The following TTC28 variants were observed in gnomAD, a reference collection of about 807,000 sequenced individuals.
The protein encoded by TTC28 is tetratricopeptide repeat domain 28.
TTC28 carries 61 observed loss-of-function variants against 198.0 expected under a neutral mutation model. The observed-to-expected ratio is 0.31, with a 90% CI of 0.25 to 0.38. The LOEUF (loss-of-function observed/expected upper bound fraction) is 0.38, where lower values mean the gene tolerates loss of function less well. Ranked by LOEUF, TTC28 falls within the 10% of genes least tolerant of loss-of-function variation. TTC28 has a pLI of 1.00. For synonymous variants in TTC28, 1,171 were observed against 1,297.8 expected (o/e 0.90, Z 2.10); for missense variants, 2,678 against 3,164.0 (o/e 0.85, Z 3.69).
chr22:28,388,944 T>G (rs2046665318), intron 2 of TTC28, among the ~76,000 whole-genome samples: 4 of 152,134 alleles, frequency 2.6e-5, no homozygotes, highest in Admixed American at 2.6e-4. Context: ...ATGCTTCCAG[T>G]TTTTGCCCAT....
At chr22:28,138,678 A>G (rs947552600) in intron 6 of TTC28, among the ~76,000 whole-genome samples, 7 of 152,158 alleles carry the variant, frequency 4.6e-5, no homozygotes, top group Admixed American at 1.3e-4. Flanking sequence ...AAGGCCAAAC[A>G]ACTTGTCCAT....
intron 1 of TTC28, among the ~76,000 whole-genome samples, chr22:28,675,602 A>C (rs923880264): frequency 2.0e-5 from 3 of 151,804 alleles, no homozygotes; most frequent in Non-Finnish European, 4.4e-5. Context: ...AAATACAAAA[A>C]TTAACCGTGC....
intron 6 of TTC28, among the ~76,000 whole-genome samples, chr22:28,143,749 CAGA>C (rs1555923103): frequency 6.6e-6 from 1 of 152,132 alleles, no homozygotes; most frequent in Non-Finnish European, 1.5e-5. Context: ...CAAGATCACA[CAGA>C]AGGTCTAAAA....
chr22:28,107,505 T>G lies in TTC28; in HGVS notation c.2340A>C (p.Glu780Asp). 1 of 1,551,748 alleles carries G rather than the reference T, an allele frequency of 6.4e-7. No individual in the cohort carries two copies. The highest frequency in any genetic ancestry group is 8.7e-7 in the Non-Finnish European group (1 of 1,147,010). Residue 780 changes from glutamate to aspartate, a missense_variant, in exon 7 of 23, where the codon GAA (glutamate) becomes GAC (aspartate). Physicochemically the swap from Glu to Asp is conservative, Grantham distance 45. Around this residue, in one of 8 missense-constraint regions of TTC28, gnomAD observed 775 missense variants for 845.9 expected, o/e 0.92. Coordinates refer to ENST00000397906, the MANE Select transcript of TTC28 (RefSeq NM_001145418.2). ...CACTCAGCTCCTGATATACCTCCAGTTCCTGTGTGTGATAACCCAGGGCCT... is the reference window on the plus strand; with the variant it reads ...CACTCAGCTCCTGATATACCTCCAGGTCCTGTGTGTGATAACCCAGGGCCT... ...YDKALGYHTQELEVYQELSDL... is the reference protein window; with the variant it reads ...YDKALGYHTQDLEVYQELSDL...
chr22:28,595,490 TTTATA>T (rs1313124696), intron 2 of TTC28, among the ~76,000 whole-genome samples: 1 of 152,140 alleles, frequency 6.6e-6, no homozygotes, highest in Non-Finnish European at 1.5e-5. Flanking sequence ...ACCTAACACT[TTTATA>T]TTATAGTTAT....
chr22:28,658,037 T>C (rs762120151), intron 1 of TTC28, among the ~76,000 whole-genome samples: 11 of 152,212 alleles, frequency 7.2e-5, no homozygotes, highest in African/African-American at 9.6e-5. Flanking sequence ...TCTTACAATA[T>C]TGTTAAACAT....
chr22:28,183,108 G>T (rs1198397686), intron 5 of TTC28, among the ~76,000 whole-genome samples: 1 of 151,504 alleles, frequency 6.6e-6, no homozygotes, highest in African/African-American at 2.4e-5. Context: ...ACCCAGGCTG[G>T]AGTACAGGGA....
At chr22:28,337,152 C>G (rs1381133850) in intron 2 of TTC28, among the ~76,000 whole-genome samples, 10 of 152,096 alleles carry the variant, frequency 6.6e-5, no homozygotes, top group African/African-American at 1.2e-4. Flanking sequence ...GCGCGGTTTT[C>G]AGTGAGTTTC....
intron 12 of TTC28, among the ~76,000 whole-genome samples, chr22:28,059,453 T>C (rs1376528606): frequency 6.6e-6 from 1 of 152,082 alleles, no homozygotes; most frequent in Non-Finnish European, 1.5e-5. Context: ...TTTTATAGTC[T>C]ATTTGTTGAC....
intron 5 of TTC28, among the ~76,000 whole-genome samples, chr22:28,292,476 T>G (rs1282848759): frequency 6.6e-6 from 1 of 152,228 alleles, no homozygotes; most frequent in African/African-American, 2.4e-5. Context: ...TCTGCCCACC[T>G]TGGCCTCCCA....
chr22:28,630,698 T>C (rs529670688), intron 1 of TTC28, among the ~76,000 whole-genome samples: 22 of 152,302 alleles, frequency 1.4e-4, no homozygotes, highest in African/African-American at 5.3e-4. Context: ...TGATCTGCTC[T>C]ACATTATATT....
intron 2 of TTC28, among the ~76,000 whole-genome samples, chr22:28,510,215 G>A (rs1392722687): frequency 1.3e-5 from 2 of 151,824 alleles, no homozygotes; most frequent in African/African-American, 4.8e-5. Context: ...AAACCTGGCA[G>A]AGATACAAAA....
chr22:28,012,836 CT>C (rs1436495727), intron 14 of TTC28, among the ~76,000 whole-genome samples: 1 of 152,152 alleles, frequency 6.6e-6, no homozygotes, highest in Non-Finnish European at 1.5e-5. Context: ...TTTGTCTAAC[CT>C]GCTCTAACCT....
intron 12 of TTC28, among the ~76,000 whole-genome samples, chr22:28,086,548 A>G (rs1238748099): frequency 2.6e-5 from 4 of 152,214 alleles, no homozygotes; most frequent in Non-Finnish European, 5.9e-5. Context: ...CTAAATGCCC[A>G]CAAGAGAAAG....
intron 2 of TTC28, among the ~76,000 whole-genome samples, chr22:28,621,509 G>GT (rs1397564592): frequency 6.6e-6 from 1 of 151,624 alleles, no homozygotes; most frequent in Non-Finnish European, 1.5e-5. Flanking sequence ...GAGTCCAGGA[G>GT]TTTGAGACCA....
chr22:28,097,668 A>G (rs1942017251), intron 10 of TTC28, among the ~76,000 whole-genome samples: 1 of 152,226 alleles, frequency 6.6e-6, no homozygotes, highest in African/African-American at 2.4e-5. Flanking sequence ...AGTTACTATA[A>G]CCAGAGTCCA....
At position 27,996,214 on chromosome 22, in the gene TTC28, G is replaced by A; in HGVS notation, c.5165C>T (p.Ser1722Leu). ...CTCTGTGAGGGCCTGGCCGATGAGTGATGAGGGGCTGTTCAGCTTAACGTC... is the reference window on the plus strand; with the variant it reads ...CTCTGTGAGGGCCTGGCCGATGAGTAATGAGGGGCTGTTCAGCTTAACGTC... ...GSDVKLNSPS[S>L]LIGQALTEIL... The change falls in exon 17 of 23, where the codon TCA becomes TTA. Residue 1722 changes from serine to leucine, a missense_variant. Ser to Leu is a moderately radical substitution (Grantham distance 145). This residue lies in a region of TTC28 where 314 missense variants were observed against 442.7 expected (regional missense o/e 0.71). Coordinates refer to ENST00000397906, the MANE Select transcript of TTC28 (RefSeq NM_001145418.2). 1.9e-6 allele frequency: 3 copies of A among 1,551,254 alleles called. No individual in the cohort carries two copies. The highest frequency in any genetic ancestry group is 2.6e-6 in the Non-Finnish European group (3 of 1,147,012).
chr22:28,504,521 C>A (rs1473255849), intron 2 of TTC28, among the ~76,000 whole-genome samples: 1 of 152,064 alleles, frequency 6.6e-6, no homozygotes, highest in Non-Finnish European at 1.5e-5. Context: ...GTGGTGTTTA[C>A]CTGTAAGCTC....
intron 5 of TTC28, among the ~76,000 whole-genome samples, chr22:28,222,763 T>A (rs1219360035): frequency 6.6e-6 from 1 of 152,250 alleles, no homozygotes; most frequent in African/African-American, 2.4e-5. Context: ...TCAAATCCAA[T>A]TGTTCATACT....
Sources: allele counts gnomAD v4.1 joint callset (sites outside exome capture counted in the v4.1 genomes callset), GRCh38; gene constraint gnomAD v4.1.1; regional missense constraint gnomAD v4.1.1; transcripts MANE v1.5; gene names NCBI Gene and HGNC (gene_info 2026-07-23, HGNC 2026-07-21).